The following AGAP5 variants were observed in gnomAD, a reference collection of about 807,000 sequenced individuals.
The protein encoded by AGAP5 is arf-GAP with GTPase, ANK repeat and PH domain-containing protein 5.
AGAP5 carries 8 observed loss-of-function variants against 27.7 expected under a neutral mutation model. The observed-to-expected ratio is 0.29, with a 90% CI of 0.17 to 0.52. The LOEUF (loss-of-function observed/expected upper bound fraction) is 0.52, where lower values mean the gene tolerates loss of function less well. AGAP5 is among the 20% of genes least tolerant of loss of function. The pLI is 0.97. For missense variants in AGAP5, 285 were observed against 880.8 expected (o/e 0.32, Z 8.56); for synonymous variants, 111 against 338.0 (o/e 0.33, Z 7.37).
At chr10:73,679,393 A>C (rs952621449) in intron 6 of AGAP5, among the ~76,000 whole-genome samples, 1 of 150,260 alleles carries the variant, frequency 6.7e-6, no homozygotes, top group Admixed American at 6.6e-5. Context: ...CGATCTCCTG[A>C]CCTTGTGATC....
intron 5 of AGAP5, among the ~76,000 whole-genome samples, chr10:73,680,625 T>C (rs1468812773): frequency 1.4e-5 from 2 of 146,408 alleles, no homozygotes; most frequent in African/African-American, 5.1e-5. Context: ...TTCGCTCTTG[T>C]TGCCCAGGCT....
intron 4 of AGAP5, among the ~76,000 whole-genome samples, chr10:73,683,686 C>CTCCT (rs1432274284): frequency 2.5e-5 from 1 of 39,410 alleles, no homozygotes; most frequent in East Asian, 4.3e-4. Context: ...TGGCCTCGAT[C>CTCCT]TCCTCACCTC....
chr10:73,687,769 C>T (rs904729612), intron 4 of AGAP5, among the ~76,000 whole-genome samples: 14 of 152,238 alleles, frequency 9.2e-5, no homozygotes, highest in Admixed American at 4.6e-4. Flanking sequence ...CATCTCCCTC[C>T]GGAAACCTCA....
rs112731088 is a variant in AGAP5, at chr10:73,698,020, T to C, written c.-265A>G. 3.6e-5 allele frequency: 52 copies of C among 1,429,080 alleles called. No individual in the cohort carries two copies. The highest frequency in any genetic ancestry group is 4.6e-5 in the Non-Finnish European group (50 of 1,094,524). 88.5% of individuals were successfully genotyped at this position (1,429,080 alleles called of 1,614,324 possible). On this transcript the variant is annotated 5_prime_UTR_variant, in exon 1 of 8. Transcript: ENST00000374094. ...AAGACCAGCTGGCTTATTTAATAGG[T>C]TGTGAACCCAACAAGCGCTGAGAGA...
chr10:73,691,533 C>T (rs1429973779), intron 4 of AGAP5, among the ~76,000 whole-genome samples: 1 of 148,202 alleles, frequency 6.7e-6, no homozygotes, highest in Non-Finnish European at 1.5e-5. Context: ...CGCTCTGTTG[C>T]CCAGGCTGGA....
chr10:73,692,622 AC>A (rs1271788699), intron 3 of AGAP5, among the ~76,000 whole-genome samples: 1 of 150,312 alleles, frequency 6.7e-6, no homozygotes, highest in African/African-American at 2.4e-5. Context: ...CTGGAAAGTA[AC>A]CTATCTTAAA....
chr10:73,677,220 T>C (rs3878016), intron 6 of AGAP5, among the ~76,000 whole-genome samples: 100 of 139,548 alleles, frequency 7.2e-4, no homozygotes, highest in African/African-American at 1.2e-3. Context: ...GACAAACTCA[T>C]CTGCCTTTTT....
rs2082179375 is a variant in AGAP5, at chr10:73,698,039, T to C, written c.-284A>G. The C allele has an allele frequency of 7.2e-7, 1 of 1,396,854 alleles. No individual in the cohort carries two copies. The highest frequency in any genetic ancestry group is 9.3e-7 in the Non-Finnish European group (1 of 1,074,546). The allele number at this position is 1,396,854 out of a possible 1,614,324, so 86.5% of individuals were successfully genotyped here. ...AATAGGTTGTGAACCCAACAAGCGC[T>C]GAGAGACACAACAACTGCCTGAAGA... On this transcript the variant is annotated 5_prime_UTR_variant, in exon 1 of 8. Transcript: ENST00000374094.
Position 73,674,464 on chromosome 10 carries a change from T to A in AGAP5, c.*135A>T. 7 of 1,572,720 alleles carry A rather than the reference T, an allele frequency of 4.5e-6. No individual in the cohort carries two copies. Among genetic ancestry groups the A allele is most frequent in the Non-Finnish European group, 6.0e-6 (7 of 1,157,770 alleles). ...GTCAGAAAAATCAACATTTTGTGTA[T>A]TTACTTAGTTTATGAAAAGTACTGA... On this transcript the variant is annotated 3_prime_UTR_variant, in exon 8 of 8. Transcript: ENST00000374094.
At chr10:73,679,783 G>A (rs1378724435) in intron 6 of AGAP5, among the ~76,000 whole-genome samples, 1 of 151,976 alleles carries the variant, frequency 6.6e-6, no homozygotes, top group Non-Finnish European at 1.5e-5. Flanking sequence ...TATCAACAGT[G>A]GTAAGGCTGT....
chr10:73,679,623 TAAC>T (rs1311847355), intron 6 of AGAP5, among the ~76,000 whole-genome samples: 1 of 151,746 alleles, frequency 6.6e-6, no homozygotes, highest in East Asian at 1.9e-4. Context: ...AAACTTCTGT[TAAC>T]AATACTGTTC....
chr10:73,689,970 G>A (rs538670732), intron 4 of AGAP5, among the ~76,000 whole-genome samples: 262 of 149,646 alleles, frequency 1.8e-3, no homozygotes, highest in Non-Finnish European at 3.3e-3. Flanking sequence ...CAGCCGCCCC[G>A]TCTGGGAGGG....
chr10:73,677,886 T>A (rs1225417244), intron 6 of AGAP5, among the ~76,000 whole-genome samples: 1 of 152,194 alleles, frequency 6.6e-6, no homozygotes, highest in Non-Finnish European at 1.5e-5. Flanking sequence ...CCTTTCACTG[T>A]CCCCTACAGG....
rs2081973929 is a variant in AGAP5 at position 73,675,836 on chromosome 10, G to T, written c.824C>A (p.Thr275Asn). 1.9e-6 allele frequency: 3 copies of T among 1,613,676 alleles called. No homozygotes were observed. Among genetic ancestry groups the T allele is most frequent in the South Asian group, 2.2e-5 (2 of 91,060 alleles). Residue 275 changes from threonine (T) to asparagine (N), a missense_variant, in exon 8 of 8, where the codon ACC (threonine) becomes AAC (asparagine). Physicochemically the swap from Thr to Asn is moderately conservative, Grantham distance 65. Transcript: ENST00000374094. ...GGGGATGGCTCTGCCGCTCCCGATG[G>T]TGTCAGCATGATTCTCCGGGGCTTT... ...ERKAPENHAD[T>N]IGSGRAIPIK...
At position 73,674,309 on chromosome 10, in the gene AGAP5, T is replaced by C; in HGVS notation, c.*290A>G. 2 of 657,776 alleles carry C rather than the reference T, an allele frequency of 3.0e-6. No individual in the cohort carries two copies. The allele number at this position is 657,776 out of a possible 1,614,324, so 40.7% of individuals were successfully genotyped here. A position where few individuals can be genotyped will look rare whatever the true frequency, so the allele number is the denominator to read the frequency against. ...ATCAATGCATATTTATGAACTTTTT[T>C]TTCAAATATATTTTCACACATTTTA... On this transcript the variant is annotated 3_prime_UTR_variant, in exon 8 of 8. Coordinates refer to ENST00000374094, the MANE Select transcript of AGAP5 (RefSeq NM_001144000.4).
At chr10:73,692,809 A>T (rs1216303915) in intron 3 of AGAP5, among the ~76,000 whole-genome samples, 1 of 150,266 alleles carries the variant, frequency 6.7e-6, no homozygotes. Flanking sequence ...TGCCTAGCTA[A>T]TTTTTTTTTG....
intron 4 of AGAP5, among the ~76,000 whole-genome samples, chr10:73,689,302 A>G (rs1298164983): frequency 6.6e-6 from 1 of 152,202 alleles, no homozygotes; most frequent in Non-Finnish European, 1.5e-5. Flanking sequence ...AATGGTGCCC[A>G]GGCTGGAGTG....
rs1268340661 is a variant in AGAP5 at position 73,697,910 on chromosome 10, T to C, written c.-155A>G. The C allele has an allele frequency of 2.2e-5, 34 of 1,533,492 alleles. No homozygotes were observed. Among genetic ancestry groups the C allele is most frequent in the Non-Finnish European group, 2.9e-5 (33 of 1,145,714 alleles). 95.0% of individuals were successfully genotyped at this position (1,533,492 alleles called of 1,614,324 possible). A position where few individuals can be genotyped will look rare whatever the true frequency, so the allele number is the denominator to read the frequency against. Reference sequence around the variant, plus strand: ...ACAGCGCGGCCCCGGGCACCATCCCTGGCCCCGGCCCCGGCCCCGGCTAGG... The same window carrying C: ...ACAGCGCGGCCCCGGGCACCATCCCCGGCCCCGGCCCCGGCCCCGGCTAGG... On this transcript the variant is annotated 5_prime_UTR_variant, in exon 1 of 8. Coordinates refer to ENST00000374094, the MANE Select transcript of AGAP5 (RefSeq NM_001144000.4).
rs1163925631 is a variant in AGAP5, at chr10:73,688,970, G to GCTGCCT, written c.396+3067_396+3072dup. 8.8e-4 allele frequency among the ~76,000 whole-genome samples: 134 copies of GCTGCCT among 152,000 alleles called. 1 individual carries two copies. The highest frequency in any genetic ancestry group is 2.6e-3 in the African/African-American group (108 of 41,426). ...TGCCTCCTCTGTCTCCTCTGCCTCTGCTGCCTCTGCCTCTGCCGCCTCCGC... is the reference window on the plus strand; with the variant it reads ...TGCCTCCTCTGTCTCCTCTGCCTCTGCTGCCTCTGCCTCTGCCTCTGCCGCCTCCGC... On this transcript the variant is annotated intron_variant, in intron 4 of 7. Coordinates refer to ENST00000374094, the MANE Select transcript of AGAP5 (RefSeq NM_001144000.4).
Sources: allele counts gnomAD v4.1 joint callset (sites outside exome capture counted in the v4.1 genomes callset), GRCh38; gene constraint gnomAD v4.1.1; transcripts MANE v1.5; gene names NCBI Gene and HGNC (gene_info 2026-07-23, HGNC 2026-07-21).